Variants in BBS9 observed in about 807,000 individuals in gnomAD.
The protein encoded by BBS9 is Bardet-Biedl syndrome 9, also known as protein PTHB1.
A neutral mutation model predicts 117.7 loss-of-function variants in BBS9; 89 were observed. That is an observed-to-expected ratio of 0.76 (90% CI 0.64 to 0.90). The LOEUF is 0.90. BBS9 is among the 40% of genes least tolerant of loss of function. The pLI, the probability that BBS9 is intolerant of heterozygous loss-of-function variation, is 0.00. For synonymous variants in BBS9, 379 were observed against 370.9 expected, an observed-to-expected ratio of 1.02 and a Z score of -0.25; for missense variants, 982 against 1,042.2, an observed-to-expected ratio of 0.94 and a Z score of 0.80.
intron 19 of BBS9, among the ~76,000 whole-genome samples, chr7:33,440,179 T>C (rs1224079811): frequency 6.6e-6 from 1 of 152,170 alleles, no homozygotes; most frequent in Non-Finnish European, 1.5e-5. Flanking sequence ...CCATTGAAGG[T>C]TGGAAATAAT....
Position 33,257,227 on chromosome 7 carries a change from C to A in BBS9, c.443-9C>A. 1 of 1,588,282 alleles carries A rather than the reference C, an allele frequency of 6.3e-7. No homozygotes were observed. Among genetic ancestry groups the A allele is most frequent in the African/African-American group, 1.3e-5 (1 of 74,558 alleles). Reference sequence around the variant, plus strand: ...ATAGATTATCTAATTTTCTCTAATTCTTCTTTAGGTCGAGATTTAATTTGC... The same window carrying A: ...ATAGATTATCTAATTTTCTCTAATTATTCTTTAGGTCGAGATTTAATTTGC... On this transcript the variant is annotated splice_polypyrimidine_tract_variant and intron_variant, in intron 5 of 22. Coordinates refer to ENST00000242067, the MANE Select transcript of BBS9 (RefSeq NM_198428.3).
Position 33,503,595 on chromosome 7 carries a change from C to G in BBS9, c.2116-1868C>G, listed in dbSNP as rs553924474. Among the ~76,000 whole-genome samples, 4 of 152,182 alleles carry G rather than the reference C, an allele frequency of 2.6e-5. No homozygotes were observed. The East Asian group carries it at 7.7e-4, about 29-fold the overall frequency. On this transcript the variant is annotated intron_variant, in intron 19 of 22. Transcript: ENST00000242067. ...GATTAGATCTGTCACCATTGAATTCCCTACAATACTTCCCGCAAATTCTTG... is the reference window on the plus strand; with the variant it reads ...GATTAGATCTGTCACCATTGAATTCGCTACAATACTTCCCGCAAATTCTTG...
At chr7:33,471,719 C>G (rs763971072) in intron 19 of BBS9, among the ~76,000 whole-genome samples, 1 of 152,192 alleles carries the variant, frequency 6.6e-6, no homozygotes. Context: ...GACAGTAAAT[C>G]AGAGGCAGCT....
chr7:33,208,287 G>C (rs576664182), intron 5 of BBS9, among the ~76,000 whole-genome samples: 1 of 152,192 alleles, frequency 6.6e-6, no homozygotes, highest in South Asian at 2.1e-4. Context: ...ATCTAAAGTA[G>C]CTGCAGAATT....
chr7:33,591,999 A>C (rs965803270), intron 21 of BBS9, among the ~76,000 whole-genome samples: 1 of 152,030 alleles, frequency 6.6e-6, no homozygotes, highest in Non-Finnish European at 1.5e-5. Flanking sequence ...CAGTATTTTC[A>C]TGTGAATTAC....
chr7:33,558,515 T>G (rs929069415), intron 21 of BBS9, among the ~76,000 whole-genome samples: 2 of 152,120 alleles, frequency 1.3e-5, no homozygotes, highest in African/African-American at 4.8e-5. Context: ...GGGAGAATGA[T>G]GTGAGATGGC....
rs766677015 is a variant in BBS9 at position 33,596,395 on chromosome 7, A to ATCTATCTATC, written c.2522-8469_2522-8468insCTATCTATCT. On this transcript the variant is annotated intron_variant, in intron 21 of 22. Transcript: ENST00000242067. ...TCTATCTATCTATCTATCTATCTAT[A>ATCTATCTATC]TATAATTAGTCAAAAAAATTCCCAC... 2.0e-3 allele frequency among the ~76,000 whole-genome samples: 168 copies of ATCTATCTATC among 82,546 alleles called. 2 individuals are homozygous for ATCTATCTATC. Among genetic ancestry groups the ATCTATCTATC allele is most frequent in the African/African-American group, 7.3e-3 (132 of 17,992 alleles). 54.2% of individuals were successfully genotyped at this position (82,546 alleles called of 152,430 possible).
At chr7:33,341,890 C>A (rs1472499172) in intron 11 of BBS9, among the ~76,000 whole-genome samples, 1 of 152,122 alleles carries the variant, frequency 6.6e-6, no homozygotes, top group Non-Finnish European at 1.5e-5. Context: ...ATCTCACTGA[C>A]TGCAGTTTAT....
intron 9 of BBS9, among the ~76,000 whole-genome samples, chr7:33,319,273 A>C (rs188169799): frequency 3.9e-5 from 6 of 152,126 alleles, no homozygotes; most frequent in Admixed American, 3.9e-4. Flanking sequence ...TATGTACCAC[A>C]GTTTCTTTAT....
Position 33,358,750 on chromosome 7 carries a change from C to T in BBS9, c.1693+755C>T, listed in dbSNP as rs181287302. On this transcript the variant is annotated intron_variant, in intron 16 of 22. Coordinates refer to ENST00000242067, the MANE Select transcript of BBS9 (RefSeq NM_198428.3). Reference sequence around the variant, plus strand: ...GGAATTAAATCAACCCTTTTAAATCCTTCATTAAAAATCAGCACTGTTGGC... The same window carrying T: ...GGAATTAAATCAACCCTTTTAAATCTTTCATTAAAAATCAGCACTGTTGGC... Among the ~76,000 whole-genome samples, 11 of 151,848 alleles carry T rather than the reference C, an allele frequency of 7.2e-5. No individual in the cohort carries two copies. The East Asian group carries it at 2.1e-3, about 29-fold the overall frequency.
intron 5 of BBS9, among the ~76,000 whole-genome samples, chr7:33,188,046 C>A (rs1047872227): frequency 4.8e-5 from 7 of 145,940 alleles, no homozygotes; most frequent in Non-Finnish European, 6.0e-5. Flanking sequence ...AAAACGATGC[C>A]CTAGGATTAG....
At chr7:33,239,387 C>G (rs149427807) in intron 5 of BBS9, among the ~76,000 whole-genome samples, 165 of 152,066 alleles carry the variant, frequency 1.1e-3, no homozygotes, top group Middle Eastern at 3.4e-3. Flanking sequence ...CATGAACACA[C>G]AGCCTATGAG....
chr7:33,437,801 G>A (rs1185684012), intron 19 of BBS9, among the ~76,000 whole-genome samples: 5 of 152,052 alleles, frequency 3.3e-5, no homozygotes, highest in African/African-American at 1.2e-4. Context: ...GCTTGAACCC[G>A]GGAGGCAGAG....
At chr7:33,595,103 T>C (rs939523495) in intron 21 of BBS9, among the ~76,000 whole-genome samples, 2 of 152,104 alleles carry the variant, frequency 1.3e-5, no homozygotes, top group Non-Finnish European at 2.9e-5. Flanking sequence ...GAAGAAAGCC[T>C]AGGCAATAGC....
At chr7:33,350,851 C>T (rs1818511717) in intron 13 of BBS9, among the ~76,000 whole-genome samples, 1 of 152,122 alleles carries the variant, frequency 6.6e-6, no homozygotes, top group Admixed American at 6.5e-5. Context: ...GTCACCACGC[C>T]CAGCTAATTT....
downstream of BBS9, among the ~76,000 whole-genome samples, chr7:33,608,132 G>C (rs1864680463): frequency 6.6e-6 from 1 of 152,012 alleles, no homozygotes; most frequent in East Asian, 1.9e-4. Flanking sequence ...ACTTATAAGT[G>C]AGAACATGTG....
At chr7:33,189,965 G>A (rs1258261146) in intron 5 of BBS9, among the ~76,000 whole-genome samples, 1 of 151,430 alleles carries the variant, frequency 6.6e-6, no homozygotes, top group Non-Finnish European at 1.5e-5. Flanking sequence ...CAGCCAGTAT[G>A]CCTGCCTAGG....
intron 21 of BBS9, among the ~76,000 whole-genome samples, chr7:33,559,871 G>A (rs540703322): frequency 1.3e-5 from 2 of 152,208 alleles, no homozygotes; most frequent in African/African-American, 2.4e-5. Flanking sequence ...CCAGAAGGAT[G>A]CATATTCTCC....
intron 19 of BBS9, among the ~76,000 whole-genome samples, chr7:33,389,949 T>A (rs1453338237): frequency 6.6e-6 from 1 of 152,188 alleles, no homozygotes; most frequent in African/African-American, 2.4e-5. Flanking sequence ...TTACAAAATT[T>A]GTTCCACAAA....
Sources: allele counts gnomAD v4.1 joint callset (sites outside exome capture counted in the v4.1 genomes callset), GRCh38; gene constraint gnomAD v4.1.1; transcripts MANE v1.5; gene names NCBI Gene and HGNC (gene_info 2026-07-23, HGNC 2026-07-21).